SLC36A1: variants seen among roughly 807,000 people sequenced by gnomAD.
The protein encoded by SLC36A1 is proton-coupled amino acid transporter 1.
SLC36A1 carries 30 observed loss-of-function variants against 47.5 expected under a neutral mutation model. The ratio of observed to expected loss-of-function variants is 0.63; its 90% CI spans 0.47 to 0.86. The LOEUF (loss-of-function observed/expected upper bound fraction) is 0.86, where lower values mean the gene tolerates loss of function less well. SLC36A1 is among the 40% of genes least tolerant of loss of function. SLC36A1 has a pLI of 0.00. For missense variants in SLC36A1, 517 were observed against 606.0 expected (o/e 0.85, Z 1.54); for synonymous variants, 255 against 249.7 (o/e 1.02, Z -0.20).
At chr5:151,547,042 C>A in the SLC36A1 span, among the ~76,000 whole-genome samples, 11 of 152,236 alleles carry the variant, frequency 7.2e-5, no homozygotes, top group African/African-American at 2.6e-4. Flanking sequence ...TGTTATGTTA[C>A]ACTATTATTT....
chr5:151,392,080 G>T, the SLC36A1 span, among the ~76,000 whole-genome samples: 4 of 152,032 alleles, frequency 2.6e-5, no homozygotes, highest in African/African-American at 9.7e-5. Flanking sequence ...CAATTTCAGA[G>T]CCTGTTATTG....
intron 9 of SLC36A1, chr5:151,477,075 G>A: frequency 2.4e-6 from 1 of 412,834 alleles, no homozygotes; most frequent in South Asian, 2.0e-5. Context: ...GAGATGGGAG[G>A]GCAAACCTGC....
At chr5:151,386,251 G>T in the SLC36A1 span, among the ~76,000 whole-genome samples, 1 of 152,036 alleles carries the variant, frequency 6.6e-6, no homozygotes, top group South Asian at 2.1e-4. Flanking sequence ...CACCAAGCTG[G>T]CTTCATGTCT....
At chr5:151,397,076 T>C in the SLC36A1 span, among the ~76,000 whole-genome samples, 2 of 152,244 alleles carry the variant, frequency 1.3e-5, no homozygotes, top group African/African-American at 4.8e-5. Context: ...GACTTCTCTG[T>C]AGGCCTGGTA....
At chr5:151,364,357 A>G in the SLC36A1 span, among the ~76,000 whole-genome samples, 1 of 152,192 alleles carries the variant, frequency 6.6e-6, no homozygotes. Flanking sequence ...CATGTTGTTC[A>G]AGGGTCAACT....
chr5:151,456,059 C>T (rs1046360732), intron 1 of SLC36A1, among the ~76,000 whole-genome samples: 1 of 152,120 alleles, frequency 6.6e-6, no homozygotes, highest in Admixed American at 6.5e-5. Context: ...TCTCTGGACC[C>T]GTAATTTAAA....
chr5:151,397,607 A>T, the SLC36A1 span, among the ~76,000 whole-genome samples: 3 of 152,002 alleles, frequency 2.0e-5, no homozygotes, highest in Admixed American at 2.0e-4. Flanking sequence ...TCTACTAAAA[A>T]TACAAAATTA....
At chr5:151,543,471 G>A in the SLC36A1 span, 1 of 1,614,018 alleles carries the variant, frequency 6.2e-7, no homozygotes. Flanking sequence ...TAATAGCAAT[G>A]ACTCTCTCTG....
At chr5:151,497,828 A>C in the SLC36A1 span, among the ~76,000 whole-genome samples, 1 of 152,172 alleles carries the variant, frequency 6.6e-6, no homozygotes, top group African/African-American at 2.4e-5. Context: ...AGAATTGCCA[A>C]ATATCCCCTT....
chr5:151,502,627 T>A, the SLC36A1 span, among the ~76,000 whole-genome samples: 2 of 147,770 alleles, frequency 1.4e-5, no homozygotes, highest in Non-Finnish European at 2.9e-5. Flanking sequence ...ATTAGAAAGG[T>A]GGAAACCCAG....
chr5:151,436,914 C>G (rs1759803189), upstream of SLC36A1: 1 of 151,720 alleles, frequency 6.6e-6, no homozygotes, highest in Non-Finnish European at 1.5e-5. Flanking sequence ...TTTTTTGGCT[C>G]CTACATCCTC....
the SLC36A1 span, among the ~76,000 whole-genome samples, chr5:151,500,178 C>T: frequency 1.2e-4 from 18 of 152,100 alleles, no homozygotes; most frequent in Non-Finnish European, 7.4e-5. Context: ...TAATTTATTT[C>T]GCGAACCCAA....
At chr5:151,548,582 G>A in the SLC36A1 span, among the ~76,000 whole-genome samples, 1 of 152,252 alleles carries the variant, frequency 6.6e-6, no homozygotes, top group African/African-American at 2.4e-5. Flanking sequence ...CCAGGTTCAA[G>A]CGATTCTCCT....
intron 9 of SLC36A1, among the ~76,000 whole-genome samples, chr5:151,478,493 C>T (rs1758373496): frequency 6.6e-6 from 1 of 152,228 alleles, no homozygotes; most frequent in Non-Finnish European, 1.5e-5. Flanking sequence ...TGGAATTCTG[C>T]TCTGGCCTCT....
chr5:151,350,138 C>G, the SLC36A1 span, among the ~76,000 whole-genome samples: 1 of 151,784 alleles, frequency 6.6e-6, no homozygotes, highest in Admixed American at 6.6e-5. Flanking sequence ...CCACCACCAC[C>G]CTCCCCCGGC....
At chr5:151,537,957 A>T in the SLC36A1 span, 2 of 1,612,760 alleles carry the variant, frequency 1.2e-6, no homozygotes, top group Non-Finnish European at 1.7e-6. Context: ...CTAGAGATGG[A>T]AAGACAAAGA....
chr5:151,507,255 G>T, the SLC36A1 span: 3 of 1,614,066 alleles, frequency 1.9e-6, no homozygotes, highest in Non-Finnish European at 2.5e-6. Context: ...GCAGACCACT[G>T]GCCGTTGCTT....
the SLC36A1 span, among the ~76,000 whole-genome samples, chr5:151,365,611 A>G: frequency 2.0e-5 from 3 of 152,198 alleles, no homozygotes; most frequent in South Asian, 2.1e-4. Flanking sequence ...AGGAAAAGTC[A>G]CTTGTCTAAA....
chr5:151,426,206 G>A, the SLC36A1 span, among the ~76,000 whole-genome samples: 10 of 152,214 alleles, frequency 6.6e-5, no homozygotes, highest in Non-Finnish European at 1.3e-4. Flanking sequence ...CAGGTGGGAC[G>A]AGAGACTGAG....
Sources: allele counts gnomAD v4.1 joint callset (sites outside exome capture counted in the v4.1 genomes callset), GRCh38; gene constraint gnomAD v4.1.1; transcripts MANE v1.5; gene names NCBI Gene and HGNC (gene_info 2026-07-23, HGNC 2026-07-21).